GCN1: variants seen among roughly 807,000 people sequenced by gnomAD.
GCN1 encodes the protein stalled ribosome sensor GCN1.
GCN1 carries 90 observed loss-of-function variants against 288.4 expected under a neutral mutation model. That is an observed-to-expected ratio of 0.31 (90% confidence interval 0.26 to 0.37). GCN1 has a LOEUF of 0.37. GCN1 is among the 10% of genes least tolerant of loss of function. The probability of loss-of-function intolerance (pLI) is 1.00; values close to 1 mark genes in which losing one functional copy is unlikely to be tolerated. For missense variants in GCN1, 2,586 were observed against 3,419.9 expected, an observed-to-expected ratio of 0.76 and a Z score of 6.08; for synonymous variants, 1,386 against 1,420.2, an observed-to-expected ratio of 0.98 and a Z score of 0.54.
chr12:120,130,562 G>A (rs889196445), intron 56 of GCN1, 84 bp downstream of exon 56: 2 of 858,640 alleles, frequency 2.3e-6, no homozygotes, highest in Admixed American at 1.7e-5. Context: ...ACTAGTTGAG[G>A]GCGCACTGCT....
intron 7 of GCN1, 188 bp from the exon 8 acceptor site, chr12:120,177,940 C>G: frequency 1.7e-6 from 1 of 605,332 alleles, no homozygotes; most frequent in Non-Finnish European, 2.9e-6. Flanking sequence ...CCATGGCCCC[C>G]GGGATAAAGT....
Position 120,178,623 on chromosome 12 carries a change from G to A in GCN1, c.660+2C>T. 1 of 1,614,138 alleles carries A rather than the reference G, an allele frequency of 6.2e-7. No homozygotes were observed. Among genetic ancestry groups the A allele is most frequent in the Non-Finnish European group, 8.5e-7 (1 of 1,179,962 alleles). On this transcript the variant is annotated splice_donor_variant, in intron 7 of 57. Transcript: ENST00000300648. LOFTEE classifies it low-confidence loss of function (GC_TO_GT_DONOR). ...CCACAGTCACTCTGCCTTGGCACTT[G>A]CCTTGTGCTGACTGACCACGTCCAT...
At chr12:120,164,921 A>G (rs1364616291) in intron 16 of GCN1, among the ~76,000 whole-genome samples, 200 bp from the exon 17 acceptor site, 1 of 147,286 alleles carries the variant, frequency 6.8e-6, no homozygotes, top group Non-Finnish European at 1.5e-5. Flanking sequence ...AGTATATACT[A>G]TTTTTATTTA....
At chr12:120,145,859 TA>T (rs1877344575) in intron 38 of GCN1, among the ~76,000 whole-genome samples, 1 of 152,258 alleles carries the variant, frequency 6.6e-6, no homozygotes, top group African/African-American at 2.4e-5. Flanking sequence ...TTATGGTATA[TA>T]AACTTGTTGA....
At chr12:120,135,429 T>C in intron 51 of GCN1, among the ~76,000 whole-genome samples, 1 of 151,924 alleles carries the variant, frequency 6.6e-6, no homozygotes, top group Admixed American at 6.6e-5. Flanking sequence ...CAAGGCGCGA[T>C]CTCAGCTCAC....
In GCN1 at chr12:120,188,957, C is replaced by T. The variant is rs1307975360; in HGVS notation, c.121+1341G>A. Among the ~76,000 whole-genome samples, 3 of 152,128 alleles carry T rather than the reference C, an allele frequency of 2.0e-5. No individual in the cohort carries two copies. In the South Asian group the frequency reaches 6.2e-4, roughly 31 times the overall value. On this transcript the variant is annotated intron_variant, in intron 2 of 57. Transcript: ENST00000300648. Reference sequence around the variant, plus strand: ...TGGTTAAAAGTGTAAATAGCTTTCACACCTGAATGGATAAACTCTCCATGA... The same window carrying T: ...TGGTTAAAAGTGTAAATAGCTTTCATACCTGAATGGATAAACTCTCCATGA...
In GCN1 at chr12:120,144,392, C is replaced by A; in HGVS notation, c.5409G>T (p.Arg1803=). Residue 1803 remains arginine (R), a synonymous_variant, in exon 42 of 58, where the codon CGG becomes CGT. Transcript: ENST00000300648. The surrounding 1 kb of genome is among the most constrained non-coding windows in gnomAD (Gnocchi z 4.7). ...CTGTCTCAGCGTACATGGAGATAAC[C>A]CGCTGGCCCGCGCGCAGGGCGGTGT... ...VRDTALRAGQ[R]VISMYAETAI... 6.2e-7 allele frequency: 1 copy of A among 1,614,210 alleles called. No individual in the cohort carries two copies. Among genetic ancestry groups the A allele is most frequent in the Non-Finnish European group, 8.5e-7 (1 of 1,180,008 alleles).
In GCN1 at chr12:120,137,491, T is replaced by C. The variant is rs1877047378; in HGVS notation, c.6663+54A>G. 1.3e-6 allele frequency: 2 copies of C among 1,583,448 alleles called. No homozygotes were observed. Among genetic ancestry groups the C allele is most frequent in the Middle Eastern group, 1.7e-4 (1 of 5,992 alleles). ...ATTCTTATAAGTCTATTCCTGTAAA[T>C]GTCTGGAATTTTCTAAAAGCAAAAG... is the stretch of plus-strand genomic sequence containing the variant. On this transcript the variant is annotated intron_variant, in intron 49 of 57. Transcript: ENST00000300648. This position sits in a 1 kb window ranked among gnomAD's most constrained non-coding sequence, Gnocchi z 5.2.
rs144391382 is a variant in GCN1 at position 120,141,644 on chromosome 12, C to A, written c.5830-621G>T. Among the ~76,000 whole-genome samples the A allele has an allele frequency of 3.7e-3, 565 of 152,360 alleles. 3 individuals carry two copies. The highest frequency in any genetic ancestry group is 0.013 in the African/African-American group (521 of 41,582). ...TGGCCTTGCTCAGCCCCTACTGGTG[C>A]TATGTTCCTGCCCACCACGGGACCT... On this transcript the variant is annotated intron_variant, in intron 44 of 57. Transcript: ENST00000300648.
chr12:120,158,723 A>G lies in GCN1; in HGVS notation c.2750-108T>C. 9.9e-7 allele frequency: 1 copy of G among 1,011,986 alleles called. No individual in the cohort carries two copies. Among genetic ancestry groups the G allele is most frequent in the Middle Eastern group, 2.5e-4 (1 of 3,968 alleles). 62.7% of individuals were successfully genotyped at this position (1,011,986 alleles called of 1,614,324 possible). A position where few individuals can be genotyped will look rare whatever the true frequency, so the allele number is the denominator to read the frequency against. On this transcript the variant is annotated intron_variant, in intron 24 of 57. Transcript: ENST00000300648. This position sits in a 1 kb window ranked among gnomAD's most constrained non-coding sequence, Gnocchi z 4.3. ...CCTCATCCTTCTGACTTAAAAAAAT[A>G]TTTCTGCGGCTGGGCGCGGTGGCTG...
chr12:120,152,308 C>T (rs978338977), intron 33 of GCN1, among the ~76,000 whole-genome samples: 1 of 151,176 alleles, frequency 6.6e-6, no homozygotes, highest in Non-Finnish European at 1.5e-5. Context: ...GGATTATAGG[C>T]ATGAGCCACC....
intron 36 of GCN1, 144 bp from the exon 37 acceptor site, chr12:120,148,490 C>T: frequency 1.5e-6 from 1 of 654,680 alleles, no homozygotes; most frequent in Non-Finnish European, 2.6e-6. Context: ...GGAGAGGGGG[C>T]TGGCTCTAGC....
chr12:120,161,861 C>G lies in GCN1; in HGVS notation c.2342+19G>C. Reference sequence around the variant, plus strand: ...GCCTTGGGGAGCAAAGGAAACTGAGCCCATAAGTGAGGTCTCACCTCTGAA... The same window carrying G: ...GCCTTGGGGAGCAAAGGAAACTGAGGCCATAAGTGAGGTCTCACCTCTGAA... On this transcript the variant is annotated intron_variant, in intron 21 of 57. Transcript: ENST00000300648. 6.2e-7 allele frequency: 1 copy of G among 1,610,806 alleles called. No individual in the cohort carries two copies. The highest frequency in any genetic ancestry group is 1.7e-4 in the Middle Eastern group (1 of 5,908).
Position 120,192,703 on chromosome 12 carries a change from G to T in GCN1, c.18+1977C>A, listed in dbSNP as rs930652952. ...GCCAAGATTGTGCCACTGCACTCTAGCCTGGGCGACAGAGCGAGACTCCGT... is the reference window on the plus strand; with the variant it reads ...GCCAAGATTGTGCCACTGCACTCTATCCTGGGCGACAGAGCGAGACTCCGT... On this transcript the variant is annotated intron_variant, in intron 1 of 57. Transcript: ENST00000300648. 1.5e-4 allele frequency among the ~76,000 whole-genome samples: 22 copies of T among 148,198 alleles called. 1 individual carries two copies. Among genetic ancestry groups the T allele is most frequent in the East Asian group, 8.0e-4 (4 of 4,990 alleles).
intron 54 of GCN1, 55 bp from the exon 55 acceptor site, chr12:120,131,388 A>ACCCATGAGG: frequency 6.3e-7 from 1 of 1,578,638 alleles, no homozygotes; most frequent in Non-Finnish European, 8.7e-7. Flanking sequence ...TGTCCCCAGC[A>ACCCATGAGG]CCCATGAGGC....
At chr12:120,159,235 G>C (rs577695160) in intron 24 of GCN1, among the ~76,000 whole-genome samples, 10 of 152,258 alleles carry the variant, frequency 6.6e-5, no homozygotes, top group African/African-American at 1.9e-4. Context: ...AGCCCAGACA[G>C]CCAGGTGACA....
intron 34 of GCN1, among the ~76,000 whole-genome samples, 179 bp downstream of exon 34, chr12:120,150,966 T>C (rs906294502): frequency 8.0e-5 from 12 of 150,322 alleles, no homozygotes; most frequent in African/African-American, 2.9e-4. Context: ...GAAAAAAAAA[T>C]TTGCAAGTCC....
At chr12:120,166,918 G>A (rs1333941576) in intron 16 of GCN1, among the ~76,000 whole-genome samples, 3 of 151,914 alleles carry the variant, frequency 2.0e-5, no homozygotes, top group Non-Finnish European at 2.9e-5. Context: ...GGAAGCTGAG[G>A]TGGGAGGACC....
At chr12:120,132,449 C>T (rs1876861013) in intron 53 of GCN1, among the ~76,000 whole-genome samples, 1 of 152,150 alleles carries the variant, frequency 6.6e-6, no homozygotes, top group Non-Finnish European at 1.5e-5. Context: ...GGGAAGCCGG[C>T]TAGAGACGGC....
Sources: gnomAD v4.1 joint callset for allele counts (sites outside exome capture counted in the v4.1 genomes callset) on GRCh38, gnomAD v4.1.1 for gene constraint, Gnocchi (gnomAD v3.1) non-coding constraint, MANE v1.5 for transcripts, NCBI Gene and HGNC (gene_info 2026-07-23, HGNC 2026-07-21) for gene names.